The following SPTLC3 variants were observed in gnomAD, a reference collection of about 807,000 sequenced individuals.
SPTLC3 encodes serine palmitoyltransferase 3.
In SPTLC3, 36 loss-of-function variants were observed where a neutral mutation model predicts 59.3. That is an observed-to-expected ratio of 0.61 (90% CI 0.47 to 0.80). The LOEUF (loss-of-function observed/expected upper bound fraction) is 0.80. Ranked by LOEUF, SPTLC3 falls within the 30% of genes least tolerant of loss-of-function variation. The pLI is 0.00. For synonymous variants in SPTLC3, 257 were observed against 240.8 expected (o/e 1.07, Z -0.62); for missense variants, 625 against 685.1 (o/e 0.91, Z 0.98).
chr20:13,144,664 G>C (rs1378160562), intron 9 of SPTLC3, among the ~76,000 whole-genome samples: 1 of 152,188 alleles, frequency 6.6e-6, no homozygotes, highest in Non-Finnish European at 1.5e-5. Flanking sequence ...TTCTTAACTG[G>C]AGGTACACAC....
chr20:13,143,420 T>C (rs770822067), intron 9 of SPTLC3, among the ~76,000 whole-genome samples: 9 of 152,248 alleles, frequency 5.9e-5, no homozygotes, highest in Non-Finnish European at 1.2e-4. Flanking sequence ...TTAATCCTCA[T>C]AACAGTATGC....
At chr20:13,078,631 T>C (rs942921164) in intron 4 of SPTLC3, among the ~76,000 whole-genome samples, 1 of 152,200 alleles carries the variant, frequency 6.6e-6, no homozygotes, top group African/African-American at 2.4e-5. Context: ...TCTAAGTTAA[T>C]GAATATTTAT....
At chr20:13,109,784 C>T (rs1169449850) in intron 6 of SPTLC3, among the ~76,000 whole-genome samples, 1 of 152,164 alleles carries the variant, frequency 6.6e-6, no homozygotes, top group Non-Finnish European at 1.5e-5. Flanking sequence ...CAGCCTGCAA[C>T]AAAGCTTAGA....
At chr20:13,084,570 T>G (rs1024923642) in intron 4 of SPTLC3, among the ~76,000 whole-genome samples, 1 of 151,764 alleles carries the variant, frequency 6.6e-6, no homozygotes, top group African/African-American at 2.4e-5. Context: ...AAGATAATAA[T>G]AGTACCAACC....
intron 1 of SPTLC3, among the ~76,000 whole-genome samples, chr20:13,033,818 A>G (rs961468815): frequency 1.3e-5 from 2 of 152,156 alleles, no homozygotes; most frequent in African/African-American, 4.8e-5. Flanking sequence ...GGTGAGTGTA[A>G]TGATGGTGTT....
chr20:13,051,331 A>G (rs540284397), intron 2 of SPTLC3, among the ~76,000 whole-genome samples: 1 of 152,378 alleles, frequency 6.6e-6, no homozygotes, highest in Admixed American at 6.5e-5. Flanking sequence ...AGTGGTTAAA[A>G]GGAACAAAGA....
chr20:13,094,497 T>C (rs1049172369), intron 6 of SPTLC3, among the ~76,000 whole-genome samples: 2 of 152,146 alleles, frequency 1.3e-5, no homozygotes, highest in Admixed American at 1.3e-4. Flanking sequence ...CCCCTTCATT[T>C]TTCCCTGTTC....
chr20:13,026,437 G>A (rs995526726), intron 1 of SPTLC3, among the ~76,000 whole-genome samples: 3 of 152,062 alleles, frequency 2.0e-5, no homozygotes, highest in Non-Finnish European at 4.4e-5. Context: ...GGTGTGAGAT[G>A]GTATGTCATT....
chr20:13,150,225 G>T (rs1388397382), intron 9 of SPTLC3, among the ~76,000 whole-genome samples: 2 of 152,046 alleles, frequency 1.3e-5, no homozygotes, highest in Non-Finnish European at 2.9e-5. Context: ...TTTTTCTTAA[G>T]TAAGGCAAAT....
At chr20:13,040,682 CTT>C (rs548122908) in intron 1 of SPTLC3, among the ~76,000 whole-genome samples, 6 of 145,394 alleles carry the variant, frequency 4.1e-5, no homozygotes, top group Admixed American at 6.9e-5. Flanking sequence ...CCTGTGCCCC[CTT>C]TTTTTTTTTT....
intron 9 of SPTLC3, among the ~76,000 whole-genome samples, chr20:13,138,503 A>G (rs989583081): frequency 1.3e-5 from 2 of 152,120 alleles, no homozygotes; most frequent in Non-Finnish European, 2.9e-5. Flanking sequence ...AGCCCTCCAA[A>G]TAGGTAGTGA....
At chr20:13,127,084 A>G (rs2038011433) in intron 9 of SPTLC3, among the ~76,000 whole-genome samples, 1 of 152,200 alleles carries the variant, frequency 6.6e-6, no homozygotes, top group African/African-American at 2.4e-5. Flanking sequence ...AGCCAATTTA[A>G]TATCCAATTT....
At chr20:13,049,205 GGT>G (rs759940440) in intron 2 of SPTLC3, 75 bp downstream of exon 2, 12 of 1,531,564 alleles carry the variant, frequency 7.8e-6, no homozygotes, top group Non-Finnish European at 1.1e-5. Flanking sequence ...TGGTGATGCA[GGT>G]GCAGATCCTA....
intron 1 of SPTLC3, among the ~76,000 whole-genome samples, chr20:13,041,583 C>T (rs988325503): frequency 1.6e-4 from 24 of 152,120 alleles, no homozygotes; most frequent in Admixed American, 1.2e-3. Context: ...GCTGTATTTA[C>T]TAAGTCCAAC....
At chr20:13,110,980 G>A (rs1462071405) in intron 7 of SPTLC3, among the ~76,000 whole-genome samples, 2 of 152,018 alleles carry the variant, frequency 1.3e-5, no homozygotes, top group African/African-American at 2.4e-5. Flanking sequence ...CTTTCAGCCC[G>A]CTAATCTCAT....
intron 4 of SPTLC3, among the ~76,000 whole-genome samples, chr20:13,075,514 A>G (rs1156269215): frequency 6.6e-6 from 1 of 152,214 alleles, no homozygotes; most frequent in Non-Finnish European, 1.5e-5. Flanking sequence ...TTTTAATCCT[A>G]ACATTCATTG....
intron 11 of SPTLC3, among the ~76,000 whole-genome samples, chr20:13,163,333 A>G (rs1600417366): frequency 6.9e-6 from 1 of 145,038 alleles, no homozygotes; most frequent in African/African-American, 2.6e-5. Flanking sequence ...ATGCCACTGC[A>G]CTCCAGCCTG....
At chr20:13,114,209 A>G (rs1312102882) in intron 7 of SPTLC3, among the ~76,000 whole-genome samples, 1 of 152,246 alleles carries the variant, frequency 6.6e-6, no homozygotes, top group Non-Finnish European at 1.5e-5. Context: ...ACACAGGGGC[A>G]TTGAAACGTA....
intron 9 of SPTLC3, among the ~76,000 whole-genome samples, chr20:13,139,560 G>A (rs1008241751): frequency 6.6e-6 from 1 of 152,108 alleles, no homozygotes; most frequent in Admixed American, 6.6e-5. Context: ...CCTTTTTCAG[G>A]CACATTTTCA....
Sources: gnomAD v4.1 joint callset for allele counts (sites outside exome capture counted in the v4.1 genomes callset) on GRCh38, gnomAD v4.1.1 for gene constraint, MANE v1.5 for transcripts, NCBI Gene and HGNC (gene_info 2026-07-23, HGNC 2026-07-21) for gene names.